Variants in MND1 observed in about 807,000 individuals in gnomAD.
MND1 encodes the protein meiotic nuclear divisions 1.
A neutral mutation model predicts 35.1 loss-of-function variants in MND1; 28 were observed. The observed-to-expected ratio is 0.80, with a 90% CI of 0.59 to 1.09. MND1 has a LOEUF of 1.09. Ranked by LOEUF, MND1 falls within the 50% of genes least tolerant of loss-of-function variation. MND1 has a pLI of 0.00. For synonymous variants in MND1, 69 were observed against 70.5 expected (o/e 0.98, Z 0.11); for missense variants, 213 against 239.6 (o/e 0.89, Z 0.73).
chr4:153,365,398 A>G (rs1418933125), intron 4 of MND1, among the ~76,000 whole-genome samples: 2 of 152,202 alleles, frequency 1.3e-5, no homozygotes, highest in Admixed American at 6.5e-5. Flanking sequence ...AAATAACAAC[A>G]AATTTATTGA....
chr4:153,409,748 A>G (rs1388663588), intron 7 of MND1, among the ~76,000 whole-genome samples: 1 of 151,616 alleles, frequency 6.6e-6, no homozygotes, highest in East Asian at 1.9e-4. Flanking sequence ...TAAAATCAAT[A>G]TAATTGGCCT....
In MND1 at chr4:153,404,923, C is replaced by T. The variant is rs140191687; in HGVS notation, c.467-4048C>T. 3.5e-3 allele frequency among the ~76,000 whole-genome samples: 531 copies of T among 151,766 alleles called. 1 individual carries two copies. The highest frequency in any genetic ancestry group is 0.011 in the African/African-American group (447 of 41,354). ...TTTTTTATTATCTTTTTTGTAGAGA[C>T]GGGGTCCCACTATGTTAGCTAGACT... On this transcript the variant is annotated intron_variant, in intron 6 of 7. Coordinates refer to ENST00000240488, the MANE Select transcript of MND1 (RefSeq NM_032117.4).
intron 4 of MND1, chr4:153,381,667 A>AATATAAT (rs1554011383): frequency 9.0e-4 from 23 of 25,458 alleles, no homozygotes; most frequent in African/African-American, 3.2e-3. Flanking sequence ...TATATAATAT[A>AATATAAT]ATATATATAT....
At chr4:153,400,475 G>T (rs1317023893) in intron 6 of MND1, among the ~76,000 whole-genome samples, 1 of 152,102 alleles carries the variant, frequency 6.6e-6, no homozygotes, top group Non-Finnish European at 1.5e-5. Flanking sequence ...ATAGCTTTAG[G>T]CTAGGAGTTT....
intron 4 of MND1, among the ~76,000 whole-genome samples, chr4:153,366,144 T>C (rs73854674): frequency 0.016 from 2,379 of 152,344 alleles, 51 homozygotes; most frequent in African/African-American, 0.054. Context: ...AATTTCTGCC[T>C]CTTGGTCACA....
intron 6 of MND1, among the ~76,000 whole-genome samples, chr4:153,400,145 G>A (rs1488794629): frequency 6.6e-6 from 1 of 151,968 alleles, no homozygotes; most frequent in Non-Finnish European, 1.5e-5. Context: ...CTGGCCTCAA[G>A]CAGTTCTCTC....
chr4:153,406,532 A>G (rs1729515079), intron 6 of MND1, among the ~76,000 whole-genome samples: 1 of 152,160 alleles, frequency 6.6e-6, no homozygotes, highest in Non-Finnish European at 1.5e-5. Context: ...AGAAAAAAAG[A>G]AAGTAAAAAG....
chr4:153,359,946 C>A (rs1186923347), intron 4 of MND1, among the ~76,000 whole-genome samples: 4 of 152,040 alleles, frequency 2.6e-5, no homozygotes, highest in Non-Finnish European at 4.4e-5. Context: ...CACCACCACA[C>A]CCAACTAATT....
intron 4 of MND1, among the ~76,000 whole-genome samples, chr4:153,385,819 T>C (rs908403113): frequency 1.3e-5 from 2 of 152,096 alleles, no homozygotes; most frequent in African/African-American, 4.8e-5. Flanking sequence ...TTGCCTTTTG[T>C]GTGATGCTCA....
chr4:153,410,265 G>A (rs1729644431), intron 7 of MND1, among the ~76,000 whole-genome samples: 1 of 150,864 alleles, frequency 6.6e-6, no homozygotes, highest in South Asian at 2.1e-4. Flanking sequence ...AATTATAATT[G>A]GAAAAACATT....
intron 4 of MND1, among the ~76,000 whole-genome samples, chr4:153,372,546 T>G (rs1420037125): frequency 6.6e-6 from 1 of 152,180 alleles, no homozygotes; most frequent in Non-Finnish European, 1.5e-5. Flanking sequence ...ATCAAGGTAA[T>G]TGAACATACC....
At chr4:153,408,624 G>A (rs1471992336) in intron 6 of MND1, among the ~76,000 whole-genome samples, 1 of 151,788 alleles carries the variant, frequency 6.6e-6, no homozygotes, top group Non-Finnish European at 1.5e-5. Context: ...TTTTGGTATG[G>A]TGAGTTGTTT....
At chr4:153,409,270 T>C (rs1458471241) in intron 7 of MND1, 1 of 169,910 alleles carries the variant, frequency 5.9e-6, no homozygotes, top group East Asian at 1.5e-4. Context: ...TTGTGCAACT[T>C]TTCCCAAGAT....
chr4:153,356,648 A>G (rs1374261162), intron 3 of MND1, among the ~76,000 whole-genome samples: 1 of 151,504 alleles, frequency 6.6e-6, no homozygotes, highest in Non-Finnish European at 1.5e-5. Context: ...TACCCATTCA[A>G]GTATCCTTGA....
chr4:153,382,235 T>G (rs1728731088), intron 4 of MND1, among the ~76,000 whole-genome samples: 1 of 152,224 alleles, frequency 6.6e-6, no homozygotes, highest in South Asian at 2.1e-4. Context: ...AGCTTAACTT[T>G]AGATTCTAAA....
chr4:153,362,341 T>C (rs949915362), intron 4 of MND1, among the ~76,000 whole-genome samples: 9 of 152,266 alleles, frequency 5.9e-5, no homozygotes, highest in African/African-American at 1.4e-4. Context: ...TCATGAATGG[T>C]TTGGCACCAT....
At chr4:153,376,904 C>T (rs1241812253) in intron 4 of MND1, among the ~76,000 whole-genome samples, 1 of 152,004 alleles carries the variant, frequency 6.6e-6, no homozygotes, top group Admixed American at 6.6e-5. Context: ...AAGTATTTGA[C>T]AAGTGAATGA....
chr4:153,369,965 A>C (rs947757134), intron 4 of MND1, among the ~76,000 whole-genome samples: 3 of 151,984 alleles, frequency 2.0e-5, no homozygotes, highest in African/African-American at 7.2e-5. Context: ...TCAAGAAACC[A>C]CTTTCTTTGC....
At position 153,350,951 on chromosome 4, in the gene MND1, T is replaced by TAAAAAAAA. The variant is rs567868452; in HGVS notation, c.69+833_69+840dup. On this transcript the variant is annotated intron_variant, in intron 2 of 7. Transcript: ENST00000240488. The stretch of plus-strand genomic sequence containing the variant: ...TTTTCACTTTAAGGCAGATTCTTAG[T>TAAAAAAAA]AAAAAAAAAAAAAAAAAACAAACAA... Among the ~76,000 whole-genome samples, 23 of 123,474 alleles carry TAAAAAAAA rather than the reference T, an allele frequency of 1.9e-4. 1 individual carries two copies. Among genetic ancestry groups the TAAAAAAAA allele is most frequent in the Non-Finnish European group, 3.3e-4 (19 of 56,954 alleles). 81.0% of individuals were successfully genotyped at this position (123,474 alleles called of 152,430 possible). A position where few individuals can be genotyped will look rare whatever the true frequency, so the allele number is the denominator to read the frequency against.
Sources: allele counts gnomAD v4.1 joint callset (sites outside exome capture counted in the v4.1 genomes callset), GRCh38; gene constraint gnomAD v4.1.1; transcripts MANE v1.5; gene names NCBI Gene and HGNC (gene_info 2026-07-23, HGNC 2026-07-21).